The following TBC1D3G variants were observed in gnomAD, a reference collection of about 807,000 sequenced individuals.
The protein encoded by TBC1D3G is TBC1 domain family member-like.
At chr17:36,316,572 A>ATG in the TBC1D3G span, among the ~76,000 whole-genome samples, 1 of 70,122 alleles carries the variant, frequency 1.4e-5, no homozygotes, top group Admixed American at 1.4e-4. Flanking sequence ...ATGTGGAACT[A>ATG]TGTGTTGGTG....
At chr17:36,322,065 A>G (rs2069368804), upstream of TBC1D3G, among the ~76,000 whole-genome samples, 1 of 138,532 alleles carries the variant, frequency 7.2e-6, no homozygotes, top group Non-Finnish European at 1.6e-5. Flanking sequence ...AGGTAGGAGG[A>G]TCATAGTTTC....
At chr17:36,317,686 T>G in the TBC1D3G span, among the ~76,000 whole-genome samples, 1 of 149,940 alleles carries the variant, frequency 6.7e-6, no homozygotes, top group South Asian at 2.1e-4. Flanking sequence ...GATAATTTTA[T>G]ATTCCATAAG....
the TBC1D3G span, among the ~76,000 whole-genome samples, chr17:36,317,782 T>A: frequency 6.9e-6 from 1 of 144,076 alleles, no homozygotes; most frequent in East Asian, 2.0e-4. Context: ...TCAGTTTCTC[T>A]TGAACATTCA....
chr17:36,327,613 GA>G lies in TBC1D3G; in HGVS notation c.278del (p.Lys93SerfsTer3). 1 of 1,160,530 alleles carries G rather than the reference GA, an allele frequency of 8.6e-7. No individual in the cohort carries two copies. Among genetic ancestry groups the G allele is most frequent in the Non-Finnish European group, 1.1e-6 (1 of 941,040 alleles). 71.9% of individuals were successfully genotyped at this position (1,160,530 alleles called of 1,614,324 possible). The stretch of plus-strand genomic sequence containing the variant: ...GACTGGGAGAAATACAAAAGCAGCA[GA>G]AAGGTAACGTGTGGAGGGAGGAAGC... ...LGDWEKYKSS[R>X]KLIDRAYKGM... On this transcript the variant is annotated frameshift_variant, in exon 5 of 14. Coordinates refer to ENST00000569055, the MANE Select transcript of TBC1D3G (RefSeq NM_001291462.2). LOFTEE classifies it high-confidence loss of function.
chr17:36,317,519 G>A, the TBC1D3G span, among the ~76,000 whole-genome samples: 1 of 115,004 alleles, frequency 8.7e-6, no homozygotes, highest in African/African-American at 3.4e-5. Flanking sequence ...CATTACAGGA[G>A]CAAGCCATTG....
In TBC1D3G at chr17:36,328,553, A is replaced by T; in HGVS notation, c.443A>T (p.Asp148Val). 3.3e-6 allele frequency: 1 copy of T among 301,934 alleles called. No individual in the cohort carries two copies. 18.7% of individuals were successfully genotyped at this position (301,934 alleles called of 1,614,324 possible). ...GAGCACATCCAGCGCATCGACCGGG[A>T]CATAAGCGGGACATTAAGGAAGCAT... The part of the protein sequence containing the change: ...SSEHIQRIDR[D>V]ISGTLRKHMF... Residue 148 changes from aspartate (D) to valine (V), a missense_variant, in exon 7 of 14, where the codon GAC becomes GTC. Asp to Val is a radical substitution (Grantham distance 152). Transcript: ENST00000569055.
the TBC1D3G span, among the ~76,000 whole-genome samples, chr17:36,318,106 T>C: frequency 1.4e-5 from 1 of 72,162 alleles, no homozygotes; most frequent in Admixed American, 1.3e-4. Context: ...GCCCCGGTGT[T>C]CAAGGCTGCA....
At chr17:36,317,655 A>G in the TBC1D3G span, among the ~76,000 whole-genome samples, 143 of 149,664 alleles carry the variant, frequency 9.6e-4, no homozygotes, top group African/African-American at 3.3e-3. Context: ...TCCATTTACT[A>G]TGCATTCTTA....
chr17:36,317,854 T>C, the TBC1D3G span, among the ~76,000 whole-genome samples: 8 of 131,338 alleles, frequency 6.1e-5, no homozygotes, highest in Non-Finnish European at 8.1e-5. Flanking sequence ...TCTGATAGTT[T>C]TCTGTTTTTG....
chr17:36,322,146 T>C (rs2069370453), upstream of TBC1D3G, among the ~76,000 whole-genome samples: 1 of 146,846 alleles, frequency 6.8e-6, no homozygotes, highest in African/African-American at 2.4e-5. Context: ...CTGCTTCCCC[T>C]TCCCCTTCTG....
At chr17:36,323,540 G>A (rs1372538276), upstream of TBC1D3G, among the ~76,000 whole-genome samples, 2 of 103,382 alleles carry the variant, frequency 1.9e-5, no homozygotes, top group African/African-American at 8.2e-5. Context: ...GACCACCCTG[G>A]GCAGGGAGGG....
the TBC1D3G span, among the ~76,000 whole-genome samples, chr17:36,318,435 C>CAAAAAAAAAAAAAAAAAAAAAAA: frequency 5.8e-4 from 6 of 10,434 alleles, 2 homozygotes; most frequent in African/African-American, 1.0e-3. Flanking sequence ...GACTTTGTCT[C>CAAAAAAAAAAAAAAAAAAAAAAA]AAAAAAAAAA....
chr17:36,318,475 A>AAAAAAAAAAAAAAAG, the TBC1D3G span, among the ~76,000 whole-genome samples: 1 of 66,482 alleles, frequency 1.5e-5, no homozygotes, highest in Admixed American at 1.8e-4. Flanking sequence ...AAAAAAAAAA[A>AAAAAAAAAAAAAAAG]GAAAGGAAAA....
At chr17:36,318,196 T>C in the TBC1D3G span, among the ~76,000 whole-genome samples, 7 of 67,254 alleles carry the variant, frequency 1.0e-4, no homozygotes, top group Admixed American at 6.7e-4. Flanking sequence ...AGAAGTTATT[T>C]ACAATGTTTT....
At chr17:36,317,808 G>A in the TBC1D3G span, among the ~76,000 whole-genome samples, 2 of 139,718 alleles carry the variant, frequency 1.4e-5, no homozygotes, top group African/African-American at 2.7e-5. Flanking sequence ...TTAGTGAGTG[G>A]TTTTCCCCAG....
chr17:36,323,543 AGG>A, upstream of TBC1D3G, among the ~76,000 whole-genome samples: 8 of 103,932 alleles, frequency 7.7e-5, no homozygotes, highest in Non-Finnish European at 1.1e-4. Flanking sequence ...CACCCTGGGC[AGG>A]GAGGGCTGAG....
intron 12 of TBC1D3G, among the ~76,000 whole-genome samples, 152 bp downstream of exon 12, chr17:36,332,541 G>A (rs1346834611): frequency 8.0e-6 from 1 of 124,328 alleles, no homozygotes; most frequent in Non-Finnish European, 1.7e-5. Flanking sequence ...CTGTGACACT[G>A]AGCCCATCCC....
At chr17:36,317,776 T>G in the TBC1D3G span, among the ~76,000 whole-genome samples, 1 of 144,530 alleles carries the variant, frequency 6.9e-6, no homozygotes, top group African/African-American at 2.6e-5. Context: ...TCTTTCTCAG[T>G]TTCTCTTGAA....
At chr17:36,332,553 C>G (rs1218207963) in intron 12 of TBC1D3G, among the ~76,000 whole-genome samples, 164 bp downstream of exon 12, 1 of 124,224 alleles carries the variant, frequency 8.0e-6, no homozygotes, top group Non-Finnish European at 1.7e-5. Flanking sequence ...GCCCATCCCC[C>G]ACATGACCCA....
Sources: allele counts gnomAD v4.1 joint callset (sites outside exome capture counted in the v4.1 genomes callset), GRCh38; gene constraint gnomAD v4.1.1; transcripts MANE v1.5; gene names NCBI Gene and HGNC (gene_info 2026-07-23, HGNC 2026-07-21).